The following RAB11A variants were observed in gnomAD, a reference collection of about 807,000 sequenced individuals.
RAB11A encodes RAB11A, member RAS oncogene family.
RAB11A carries 9 observed loss-of-function variants against 28.0 expected under a neutral mutation model. The ratio of observed to expected loss-of-function variants is 0.32; its 90% confidence interval spans 0.19 to 0.56. The LOEUF is 0.56. RAB11A is among the 20% of genes least tolerant of loss of function. RAB11A has a pLI of 0.91. For missense variants in RAB11A, 108 were observed against 269.6 expected (o/e 0.40, Z 4.20); for synonymous variants, 85 against 88.2 (o/e 0.96, Z 0.20).
At chr15:65,884,589 A>G (rs924674664) in intron 4 of RAB11A, among the ~76,000 whole-genome samples, 1 of 152,182 alleles carries the variant, frequency 6.6e-6, no homozygotes, top group Non-Finnish European at 1.5e-5. Context: ...TTGGTGTGTT[A>G]CAAGTACAGC....
rs2078293649 is a variant in RAB11A, at chr15:65,891,247, G to A, written c.*3407G>A. ...GTAGGAGGTCGATGGTAACAATAAA[G>A]TGATACAAAATGCTTATGTCATTAT... On this transcript the variant is annotated 3_prime_UTR_variant, in exon 5 of 5. Transcript: ENST00000261890. 6.6e-6 allele frequency: 1 copy of A among 152,360 alleles called. No individual in the cohort carries two copies. The highest frequency in any genetic ancestry group is 1.9e-4 in the East Asian group (1 of 5,196). 9.4% of individuals were successfully genotyped at this position (152,360 alleles called of 1,614,324 possible).
At chr15:65,881,581 T>C (rs531996648) in intron 4 of RAB11A, among the ~76,000 whole-genome samples, 40 of 152,326 alleles carry the variant, frequency 2.6e-4, no homozygotes, top group Admixed American at 9.2e-4. Flanking sequence ...TATTCTGATA[T>C]TAAGTGAAGA....
chr15:65,883,112 G>A (rs948417479), intron 4 of RAB11A, among the ~76,000 whole-genome samples: 3 of 152,032 alleles, frequency 2.0e-5, no homozygotes, highest in African/African-American at 7.2e-5. Context: ...CTCTTTTATA[G>A]CCACAGTATA....
intron 4 of RAB11A, among the ~76,000 whole-genome samples, chr15:65,885,963 A>G (rs527275138): frequency 6.6e-6 from 1 of 152,346 alleles, no homozygotes; most frequent in South Asian, 2.1e-4. Flanking sequence ...GACAGAAATT[A>G]ATTGGTACAT....
intron 1 of RAB11A, among the ~76,000 whole-genome samples, chr15:65,876,811 AG>A (rs1306114722): frequency 6.6e-6 from 1 of 152,214 alleles, no homozygotes; most frequent in African/African-American, 2.4e-5. Context: ...CATTTTGCCT[AG>A]GTCTCAGTCC....
At chr15:65,871,415 A>C (rs1164461691) in intron 1 of RAB11A, among the ~76,000 whole-genome samples, 1 of 152,204 alleles carries the variant, frequency 6.6e-6, no homozygotes, top group Non-Finnish European at 1.5e-5. Flanking sequence ...GATGATGTGA[A>C]ACTATTTGAA....
At chr15:65,884,240 AT>A (rs1427519149) in intron 4 of RAB11A, among the ~76,000 whole-genome samples, 4 of 152,182 alleles carry the variant, frequency 2.6e-5, no homozygotes, top group African/African-American at 7.2e-5. Context: ...AAAGAAAAGG[AT>A]TTACCTTTCA....
chr15:65,880,201 T>C (rs770577694), intron 4 of RAB11A, among the ~76,000 whole-genome samples: 2 of 152,202 alleles, frequency 1.3e-5, no homozygotes, highest in Non-Finnish European at 2.9e-5. Flanking sequence ...GGGTATCCCT[T>C]GCGTATTCTA....
chr15:65,872,735 G>T (rs2078170492), intron 1 of RAB11A, among the ~76,000 whole-genome samples: 1 of 152,092 alleles, frequency 6.6e-6, no homozygotes, highest in South Asian at 2.1e-4. Context: ...TGCCTGGCCA[G>T]ATTTCTACTT....
chr15:65,877,282 C>G lies in RAB11A; in HGVS notation c.41-50C>G. On this transcript the variant is annotated intron_variant, in intron 1 of 4. Transcript: ENST00000261890. This position sits in a 1 kb window ranked among gnomAD's most constrained non-coding sequence, Gnocchi z 4.1. ...ATTCTGTTGAAAGCATAGTGGTGTT[C>G]TGAATATGTTTGCCTCATTCATCTG... The G allele has an allele frequency of 1.4e-6, 2 of 1,439,312 alleles. No homozygotes were observed. Among genetic ancestry groups the G allele is most frequent in the African/African-American group, 1.4e-5 (1 of 70,738 alleles). 89.2% of individuals were successfully genotyped at this position (1,439,312 alleles called of 1,614,324 possible). A position where few individuals can be genotyped will look rare whatever the true frequency, so the allele number is the denominator to read the frequency against.
rs551688573 is a variant in RAB11A at position 65,888,180 on chromosome 15, A to G, written c.*340A>G. 3 of 182,504 alleles carry G rather than the reference A, an allele frequency of 1.6e-5. No individual in the cohort carries two copies. In the East Asian group the frequency reaches 4.3e-4, roughly 26 times the overall value. The allele number at this position is 182,504 out of a possible 1,614,324, so 11.3% of individuals were successfully genotyped here. A position where few individuals can be genotyped will look rare whatever the true frequency, so the allele number is the denominator to read the frequency against. ...GCTCAGACCTATTGGTCTTGATCAAATCAAACTAAGAAGACCTTAGAAATA... is the reference window on the plus strand; with the variant it reads ...GCTCAGACCTATTGGTCTTGATCAAGTCAAACTAAGAAGACCTTAGAAATA... On this transcript the variant is annotated 3_prime_UTR_variant, in exon 5 of 5. Coordinates refer to ENST00000261890, the MANE Select transcript of RAB11A (RefSeq NM_004663.5).
intron 1 of RAB11A, among the ~76,000 whole-genome samples, chr15:65,872,173 C>T (rs963396476): frequency 1.3e-5 from 2 of 151,704 alleles, no homozygotes; most frequent in Admixed American, 6.6e-5. Context: ...AGGCTGGTCT[C>T]GCACTCCTGG....
At chr15:65,880,495 G>A (rs944469442) in intron 4 of RAB11A, among the ~76,000 whole-genome samples, 1 of 152,156 alleles carries the variant, frequency 6.6e-6, no homozygotes, top group Non-Finnish European at 1.5e-5. Context: ...GATTTAAAAT[G>A]TGGTCTTAAT....
At chr15:65,881,430 T>C (rs1016044179) in intron 4 of RAB11A, among the ~76,000 whole-genome samples, 2 of 152,194 alleles carry the variant, frequency 1.3e-5, no homozygotes, top group Non-Finnish European at 2.9e-5. Context: ...TCTTAAAACA[T>C]GTGAATTAAA....
chr15:65,878,027 A>G (rs1316571663), intron 3 of RAB11A, 72 bp downstream of exon 3: 1 of 1,332,210 alleles, frequency 7.5e-7, no homozygotes, highest in Non-Finnish European at 1.1e-6. Context: ...AATGAGAGTA[A>G]TAGGTTATAA....
intron 3 of RAB11A, among the ~76,000 whole-genome samples, chr15:65,879,002 T>G (rs1395310798): frequency 2.6e-5 from 4 of 151,492 alleles, no homozygotes; most frequent in African/African-American, 9.7e-5. Flanking sequence ...TTTTTTTTTT[T>G]TTTTTTTGGG....
chr15:65,881,938 C>CTG (rs2078225931), intron 4 of RAB11A, among the ~76,000 whole-genome samples: 1 of 150,346 alleles, frequency 6.7e-6, no homozygotes, highest in Non-Finnish European at 1.5e-5. Flanking sequence ...GTGTGTGCGC[C>CTG]TGTAGTCCCA....
chr15:65,883,095 G>T (rs928349577), intron 4 of RAB11A, among the ~76,000 whole-genome samples: 2 of 152,098 alleles, frequency 1.3e-5, no homozygotes, highest in African/African-American at 2.4e-5. Context: ...GTAAAAACAA[G>T]GATATTCTCT....
chr15:65,885,731 G>T (rs1469723323), intron 4 of RAB11A, among the ~76,000 whole-genome samples: 3 of 152,186 alleles, frequency 2.0e-5, no homozygotes, highest in Admixed American at 2.0e-4. Context: ...CTGAAAGTTT[G>T]CTGGAAAATC....
Sources: gnomAD v4.1 joint callset for allele counts (sites outside exome capture counted in the v4.1 genomes callset) on GRCh38, gnomAD v4.1.1 for gene constraint, Gnocchi (gnomAD v3.1) non-coding constraint, MANE v1.5 for transcripts, NCBI Gene and HGNC (gene_info 2026-07-23, HGNC 2026-07-21) for gene names.